Variants in MUC4 observed in about 807,000 individuals in gnomAD.
The protein encoded by MUC4 is mucin-4.
Under a neutral mutation model 257.9 loss-of-function variants are expected in MUC4, and 202 were observed. That is an observed-to-expected ratio of 0.78 (90% confidence interval 0.70 to 0.88). MUC4 has a LOEUF of 0.88. Ranked by LOEUF, MUC4 falls within the 40% of genes least tolerant of loss-of-function variation. The probability of loss-of-function intolerance (pLI) is 0.00; values close to 1 mark genes in which losing one functional copy is unlikely to be tolerated. For synonymous variants in MUC4, 2,351 were observed against 2,757.1 expected (o/e 0.85, Z 4.62); for missense variants, 5,976 against 6,513.7 (o/e 0.92, Z 2.84).
In MUC4 at chr3:195,789,675, G is replaced by A. The variant is rs768537191; in HGVS notation, c.1905C>T (p.Ser635=). ...GCGGGGCTTGAGTGTGACCCCTTTG[G>A]GAAACAGCTGGTGATTCCTGAGGAG... ...STSPQESPAV[S]QRGHTQAPQT... The change falls in exon 2 of 25, where the codon TCC becomes TCT. Residue 635 remains serine, a synonymous_variant. Coordinates refer to ENST00000463781, the MANE Select transcript of MUC4 (RefSeq NM_018406.7). 3.7e-6 allele frequency: 6 copies of A among 1,613,968 alleles called. No homozygotes were observed. In the Admixed American group the frequency reaches 1.0e-4, roughly 27 times the overall value.
chr3:195,790,837 G>C lies in MUC4; in HGVS notation c.743C>G (p.Ser248Ter). ...TGTGTTTGTGACACTACAGAGGGAT[G>C]AGGTAGCTGTTTCACCTGAAGGAGA... The part of the protein sequence containing the change: ...KTSPSGETAT[S>*]SLCSVTNTSM... The change falls in exon 2 of 25, where the codon TCA becomes TGA. Residue 248 changes from serine (S) to a stop codon, truncating the protein, a stop_gained. Coordinates refer to ENST00000463781, the MANE Select transcript of MUC4 (RefSeq NM_018406.7). LOFTEE classifies it high-confidence loss of function. 6.2e-7 allele frequency: 1 copy of C among 1,613,922 alleles called. No homozygotes were observed. The highest frequency in any genetic ancestry group is 8.5e-7 in the Non-Finnish European group (1 of 1,179,880).
rs1207012345 is a variant in MUC4 at position 195,760,805 on chromosome 3, G to A, written c.14848+79C>T. 7 of 1,197,980 alleles carry A rather than the reference G, an allele frequency of 5.8e-6. No individual in the cohort carries two copies. In the African/African-American group the frequency reaches 9.0e-5, roughly 15 times the overall value. 74.2% of individuals were successfully genotyped at this position (1,197,980 alleles called of 1,614,324 possible). On this transcript the variant is annotated intron_variant, in intron 16 of 24. Transcript: ENST00000463781. ...TGCTCAGTGAATGCAGATGCACAGG[G>A]AAAAGCAGGGTCAGGCAAGGGCAGC...
chr3:195,760,666 A>T (rs73892864), intron 16 of MUC4, among the ~76,000 whole-genome samples: 1 of 134,298 alleles, frequency 7.4e-6, no homozygotes, highest in Non-Finnish European at 1.5e-5. Context: ...GGCGTCCAGC[A>T]CTAGGAGAAG....
intron 24 of MUC4, 116 bp from the exon 25 acceptor site, chr3:195,747,496 C>G: frequency 8.2e-7 from 1 of 1,216,964 alleles, no homozygotes; most frequent in Non-Finnish European, 1.2e-6. Flanking sequence ...GCCCCACTCT[C>G]CGGAGAGACT....
chr3:195,806,340 C>T (rs1735983762), intron 1 of MUC4, among the ~76,000 whole-genome samples: 1 of 152,188 alleles, frequency 6.6e-6, no homozygotes, highest in Admixed American at 6.5e-5. Flanking sequence ...CCTCACAGGG[C>T]CCTTCCTGAC....
intron 11 of MUC4, 110 bp downstream of exon 11, chr3:195,763,935 C>T (rs1719808890): frequency 7.0e-7 from 1 of 1,426,984 alleles, no homozygotes; most frequent in Non-Finnish European, 9.3e-7. Flanking sequence ...TCTCCATCTT[C>T]CCTTGTGGCC....
Position 195,790,646 on chromosome 3 carries a change from T to C in MUC4, c.934A>G (p.Arg312Gly). 1 of 1,614,018 alleles carries C rather than the reference T, an allele frequency of 6.2e-7. No individual in the cohort carries two copies. The highest frequency in any genetic ancestry group is 8.5e-7 in the Non-Finnish European group (1 of 1,179,900). ...GCTGTTGTGTCCTGAGTAGAAGTCC[T>C]TGAGAAAGTTGCTGGTGATTGTCCT... Reference protein sequence around the residue: ...PEGQSPATFSRTSTQDTTAFS... With the variant: ...PEGQSPATFSGTSTQDTTAFS... The change falls in exon 2 of 25, where the codon AGG becomes GGG. Residue 312 changes from arginine to glycine, a missense_variant. Physicochemically the swap from Arg to Gly is moderately radical, Grantham distance 125 (BLOSUM62 -2). Transcript: ENST00000463781.
intron 1 of MUC4, among the ~76,000 whole-genome samples, chr3:195,802,369 C>T (rs1735437228): frequency 2.4e-5 from 1 of 42,080 alleles, no homozygotes; most frequent in African/African-American, 6.8e-5. Context: ...ACTGCCCCTG[C>T]TGACTCGGGT....
At chr3:195,775,921 CA>C (rs1724533528) in intron 3 of MUC4, among the ~76,000 whole-genome samples, 1 of 102,526 alleles carries the variant, frequency 9.8e-6, no homozygotes, top group African/African-American at 5.2e-5. Flanking sequence ...CTTCCACACC[CA>C]TACCTTCCAC....
At chr3:195,799,027 CGTT>C (rs1217485080) in intron 1 of MUC4, among the ~76,000 whole-genome samples, 1 of 152,126 alleles carries the variant, frequency 6.6e-6, no homozygotes, top group Admixed American at 6.5e-5. Context: ...CAACTGGAAG[CGTT>C]GTTACCCTTC....
At chr3:195,798,496 G>A (rs1167278164) in intron 1 of MUC4, among the ~76,000 whole-genome samples, 1 of 152,138 alleles carries the variant, frequency 6.6e-6, no homozygotes, top group Non-Finnish European at 1.5e-5. Flanking sequence ...GAGGTCAGGA[G>A]ATCGAGACCA....
intron 1 of MUC4, among the ~76,000 whole-genome samples, chr3:195,807,940 C>T (rs984857852): frequency 6.6e-6 from 1 of 152,254 alleles, no homozygotes; most frequent in Non-Finnish European, 1.5e-5. Context: ...AAACCAAGGG[C>T]GTGGCGGGAC....
chr3:195,768,295 C>T (rs144751005), intron 7 of MUC4, among the ~76,000 whole-genome samples: 1 of 152,186 alleles, frequency 6.6e-6, no homozygotes, highest in Non-Finnish European at 1.5e-5. Flanking sequence ...TTATCAAGAA[C>T]AAAAGACATG....
At position 195,786,504 on chromosome 3, in the gene MUC4, A is replaced by T. The variant is rs1210210161; in HGVS notation, c.5076T>A (p.Asp1692Glu). The T allele has an allele frequency of 6.6e-7, 1 of 1,525,886 alleles. No individual in the cohort carries two copies. The highest frequency in any genetic ancestry group is 2.0e-5 in the Admixed American group (1 of 49,776). The allele number at this position is 1,525,886 out of a possible 1,614,324, so 94.5% of individuals were successfully genotyped here. A position where few individuals can be genotyped will look rare whatever the true frequency, so the allele number is the denominator to read the frequency against. The change falls in exon 2 of 25, where the codon GAT becomes GAA. Residue 1692 changes from aspartate to glutamate, a missense_variant. Asp to Glu is a conservative substitution (Grantham distance 45). This residue lies in a region of MUC4 where 138 missense variants were observed against 107.8 expected (regional missense o/e 1.28). Coordinates refer to ENST00000463781, the MANE Select transcript of MUC4 (RefSeq NM_018406.7). ...PVTGLSSATT[D>E]DTTRLPVTDV... Reference sequence around the variant, plus strand: ...CGGTGACAGGAAGACGGGTGGTGTCATCTGTGGTAGCTGAGGAAAGGCCGG... The same window carrying T: ...CGGTGACAGGAAGACGGGTGGTGTCTTCTGTGGTAGCTGAGGAAAGGCCGG...
chr3:195,749,809 G>A (rs1351689759), intron 23 of MUC4: 1 of 152,312 alleles, frequency 6.6e-6, no homozygotes, highest in African/African-American at 2.4e-5. Flanking sequence ...AGTTCAGAAG[G>A]ATATGTAGGA....
intron 11 of MUC4, 60 bp downstream of exon 11, chr3:195,763,985 G>A (rs1344387974): frequency 1.1e-5 from 17 of 1,559,654 alleles, no homozygotes; most frequent in Middle Eastern, 2.2e-4. Context: ...GCCACCTCCC[G>A]GAAGCCCAGA....
intron 21 of MUC4, chr3:195,751,791 G>A (rs6785441): frequency 0.018 from 3,678 of 202,632 alleles, 131 homozygotes; most frequent in African/African-American, 0.081. Context: ...GAATACTTGT[G>A]TGTCAGGCAC....
In MUC4 at chr3:195,784,202, C is replaced by G. The variant is rs1250181203; in HGVS notation, c.7378G>C (p.Gly2460Arg). The change falls in exon 2 of 25, where the codon GGT becomes CGT. Residue 2460 changes from glycine to arginine, a missense_variant. Coordinates refer to ENST00000463781, the MANE Select transcript of MUC4 (RefSeq NM_018406.7). ...GTGCCAGGAAGAGGGGTGGTGTCACCTGTGGATGCTGAGGAAGTGCTGGTG... is the reference window on the plus strand; with the variant it reads ...GTGCCAGGAAGAGGGGTGGTGTCACGTGTGGATGCTGAGGAAGTGCTGGTG... Reference protein sequence around the residue: ...PVTSTSSASTGDTTPLPGTDT... With the variant: ...PVTSTSSASTRDTTPLPGTDT... 1 of 1,496,508 alleles carries G rather than the reference C, an allele frequency of 6.7e-7. No homozygotes were observed. The highest frequency in any genetic ancestry group is 9.0e-7 in the Non-Finnish European group (1 of 1,110,512). The allele number at this position is 1,496,508 out of a possible 1,614,324, so 92.7% of individuals were successfully genotyped here. A position where few individuals can be genotyped will look rare whatever the true frequency, so the allele number is the denominator to read the frequency against.
At position 195,788,718 on chromosome 3, in the gene MUC4, G is replaced by A; in HGVS notation, c.2862C>T (p.Thr954=). ...STGLTSPQTE[T]HTLSPSGSGK... Reference sequence around the variant, plus strand: ...CAGACCCTGAAGGTGACAGAGTGTGGGTCTCGGTTTGTGGAGATGTAAGCC... The same window carrying A: ...CAGACCCTGAAGGTGACAGAGTGTGAGTCTCGGTTTGTGGAGATGTAAGCC... Residue 954 remains threonine (T), a synonymous_variant, in exon 2 of 25, where the codon ACC becomes ACT. Transcript: ENST00000463781. The A allele has an allele frequency of 6.2e-7, 1 of 1,613,842 alleles. No individual in the cohort carries two copies. Among genetic ancestry groups the A allele is most frequent in the Non-Finnish European group, 8.5e-7 (1 of 1,179,792 alleles).
Sources: gnomAD v4.1 joint callset for allele counts (sites outside exome capture counted in the v4.1 genomes callset) on GRCh38, gnomAD v4.1.1 for gene constraint, gnomAD v4.1.1 regional missense constraint, MANE v1.5 for transcripts, NCBI Gene and HGNC (gene_info 2026-07-23, HGNC 2026-07-21) for gene names.